The following TGFBR3 variants were observed in gnomAD, a reference collection of about 807,000 sequenced individuals.
The protein encoded by TGFBR3 is transforming growth factor beta receptor type 3.
Under a neutral mutation model 87.9 loss-of-function variants are expected in TGFBR3, and 46 were observed. The observed-to-expected ratio is 0.52, with a 90% confidence interval of 0.41 to 0.67. The LOEUF is 0.67. TGFBR3 is among the 30% of genes least tolerant of loss of function. The pLI is 0.00. For missense variants in TGFBR3, 866 were observed against 1,041.9 expected (o/e 0.83, Z 2.32); for synonymous variants, 381 against 391.6 (o/e 0.97, Z 0.32).
At chr1:91,743,789 G>A (rs1384886121) in intron 4 of TGFBR3, among the ~76,000 whole-genome samples, 1 of 152,266 alleles carries the variant, frequency 6.6e-6, no homozygotes, top group African/African-American at 2.4e-5. Flanking sequence ...AGGAGCAGTG[G>A]AGAAATGGGA....
intron 1 of TGFBR3, among the ~76,000 whole-genome samples, chr1:91,876,576 A>G (rs1006590266): frequency 4.6e-5 from 7 of 152,146 alleles, no homozygotes; most frequent in Non-Finnish European, 1.0e-4. Context: ...AAATTCATAT[A>G]ACAAAAACCA....
At chr1:91,828,308 A>C (rs753363477) in intron 2 of TGFBR3, among the ~76,000 whole-genome samples, 1 of 152,200 alleles carries the variant, frequency 6.6e-6, no homozygotes, top group Non-Finnish European at 1.5e-5. Flanking sequence ...CCCCGTCAAT[A>C]TTTTGGCTTC....
chr1:91,778,480 A>G (rs867673292), intron 3 of TGFBR3, among the ~76,000 whole-genome samples: 12 of 152,342 alleles, frequency 7.9e-5, no homozygotes, highest in Middle Eastern at 6.8e-3. Flanking sequence ...AAGACTCACA[A>G]TCCAGTGCTG....
intron 4 of TGFBR3, among the ~76,000 whole-genome samples, chr1:91,740,955 A>G (rs1673140206): frequency 6.6e-6 from 1 of 152,262 alleles, no homozygotes; most frequent in African/African-American, 2.4e-5. Flanking sequence ...AAGAGTGTAT[A>G]GGAGAAAAAC....
intron 4 of TGFBR3, among the ~76,000 whole-genome samples, chr1:91,750,864 G>T (rs1034397246): frequency 7.2e-5 from 11 of 152,308 alleles, no homozygotes; most frequent in Non-Finnish European, 7.3e-5. Flanking sequence ...TGCCTTGATT[G>T]CATTTGGAAG....
chr1:91,728,724 G>A (rs372357801), intron 6 of TGFBR3, among the ~76,000 whole-genome samples: 82 of 152,122 alleles, frequency 5.4e-4, no homozygotes, highest in East Asian at 1.4e-3. Context: ...TTATCAAAAC[G>A]ATCTGTAGCT....
At chr1:91,738,626 C>T (rs970651816) in intron 4 of TGFBR3, among the ~76,000 whole-genome samples, 5 of 152,244 alleles carry the variant, frequency 3.3e-5, no homozygotes, top group African/African-American at 1.2e-4. Flanking sequence ...GATGTTGGTG[C>T]TATGCTTCCT....
intron 3 of TGFBR3, among the ~76,000 whole-genome samples, chr1:91,781,448 C>T (rs1674764399): frequency 6.6e-6 from 1 of 152,188 alleles, no homozygotes; most frequent in Non-Finnish European, 1.5e-5. Context: ...GCTATGCCTT[C>T]CAGAGGCCTC....
intron 2 of TGFBR3, among the ~76,000 whole-genome samples, chr1:91,840,629 A>G (rs1182781304): frequency 2.6e-5 from 4 of 152,184 alleles, no homozygotes; most frequent in African/African-American, 9.7e-5. Context: ...TAATATTTTA[A>G]AAATCACATT....
At chr1:91,712,595 C>T in intron 12 of TGFBR3, 53 bp from the exon 13 acceptor site, 1 of 1,582,184 alleles carries the variant, frequency 6.3e-7, no homozygotes, top group South Asian at 1.1e-5. Context: ...CTCACTTTCA[C>T]TTTAGGCACA....
At chr1:91,756,042 G>GAA (rs1433578757) in intron 4 of TGFBR3, among the ~76,000 whole-genome samples, 1 of 152,188 alleles carries the variant, frequency 6.6e-6, no homozygotes, top group Admixed American at 6.5e-5. Context: ...CAGGGCCTGA[G>GAA]AAAAATCCGG....
intron 4 of TGFBR3, among the ~76,000 whole-genome samples, chr1:91,747,699 G>A (rs900044822): frequency 2.6e-5 from 4 of 152,102 alleles, no homozygotes; most frequent in Admixed American, 6.5e-5. Flanking sequence ...TTTTGTAGAC[G>A]CAATTAAACT....
intron 4 of TGFBR3, among the ~76,000 whole-genome samples, chr1:91,740,440 T>C (rs1303734657): frequency 7.8e-5 from 11 of 141,298 alleles, no homozygotes; most frequent in Non-Finnish European, 9.3e-5. Context: ...TCTTGGCTCA[T>C]TGCAACCTCC....
intron 3 of TGFBR3, among the ~76,000 whole-genome samples, chr1:91,761,270 C>T (rs6684961): frequency 0.18 from 27,716 of 152,128 alleles, 2,828 homozygotes; most frequent in East Asian, 0.45. Context: ...GATATTGGTG[C>T]TCAGGTCCAA....
At chr1:91,763,367 T>C (rs1005118310) in intron 3 of TGFBR3, among the ~76,000 whole-genome samples, 4 of 152,218 alleles carry the variant, frequency 2.6e-5, no homozygotes, top group African/African-American at 9.7e-5. Flanking sequence ...CATTTCTGAT[T>C]CTTAGAACAG....
At chr1:91,745,988 C>G (rs981991846) in intron 4 of TGFBR3, among the ~76,000 whole-genome samples, 8 of 152,180 alleles carry the variant, frequency 5.3e-5, no homozygotes, top group African/African-American at 1.7e-4. Flanking sequence ...TGACTTAAAA[C>G]ATATTTGACT....
chr1:91,840,815 C>CA (rs1677246185), intron 2 of TGFBR3, among the ~76,000 whole-genome samples: 1 of 147,040 alleles, frequency 6.8e-6, no homozygotes, highest in Non-Finnish European at 1.5e-5. Flanking sequence ...TGTTCATTTT[C>CA]TTTTTTTTTT....
At chr1:91,812,857 G>T (rs1676077798) in intron 2 of TGFBR3, among the ~76,000 whole-genome samples, 1 of 152,128 alleles carries the variant, frequency 6.6e-6, no homozygotes, top group African/African-American at 2.4e-5. Context: ...CAGGTGATTT[G>T]TCCATCTCTG....
intron 9 of TGFBR3, 136 bp from the exon 10 acceptor site, chr1:91,719,600 T>C (rs1672290752): frequency 8.8e-7 from 1 of 1,131,178 alleles, no homozygotes; most frequent in East Asian, 2.5e-5. Context: ...CCCAAGTATC[T>C]CTTCCCAGCT....
Sources: gnomAD v4.1 joint callset for allele counts (sites outside exome capture counted in the v4.1 genomes callset) on GRCh38, gnomAD v4.1.1 for gene constraint, MANE v1.5 for transcripts, NCBI Gene and HGNC (gene_info 2026-07-23, HGNC 2026-07-21) for gene names.